The following PAM variants were observed in gnomAD, a reference collection of about 807,000 sequenced individuals.
PAM encodes the protein peptidylglycine alpha-amidating monooxygenase.
PAM carries 72 observed loss-of-function variants against 122.1 expected under a neutral mutation model. That is an observed-to-expected ratio of 0.59 (90% CI 0.49 to 0.72). PAM has a LOEUF of 0.72. PAM is among the 30% of genes least tolerant of loss of function. PAM has a pLI of 0.00. For synonymous variants in PAM, 389 were observed against 404.4 expected (o/e 0.96, Z 0.46); for missense variants, 1,106 against 1,183.7 (o/e 0.93, Z 0.96).
chr5:102,886,231 A>G (rs1489413613), intron 3 of PAM, among the ~76,000 whole-genome samples: 1 of 152,070 alleles, frequency 6.6e-6, no homozygotes, highest in Non-Finnish European at 1.5e-5. Context: ...TAATTAAATT[A>G]AGAATGATCT....
intron 1 of PAM, among the ~76,000 whole-genome samples, chr5:102,765,833 C>G (rs1322008420): frequency 6.6e-6 from 1 of 152,118 alleles, no homozygotes; most frequent in African/African-American, 2.4e-5. Flanking sequence ...CCAAGTTTCC[C>G]CTTTTTATAA....
At chr5:102,782,391 G>A (rs1759215730) in intron 1 of PAM, among the ~76,000 whole-genome samples, 1 of 152,156 alleles carries the variant, frequency 6.6e-6, no homozygotes, top group Non-Finnish European at 1.5e-5. Flanking sequence ...AGAGGAAGGA[G>A]AGAAGATTTT....
At chr5:102,961,040 G>A (rs970446405) in intron 13 of PAM, 118 bp from the exon 14 acceptor site, 8 of 486,016 alleles carry the variant, frequency 1.6e-5, no homozygotes, top group South Asian at 5.6e-5. Flanking sequence ...TTCTTAATAC[G>A]GTAATAAGCA....
At chr5:102,938,700 A>G (rs558069431) in intron 7 of PAM, among the ~76,000 whole-genome samples, 1 of 152,280 alleles carries the variant, frequency 6.6e-6, no homozygotes, top group South Asian at 2.1e-4. Flanking sequence ...ATTTGAATTA[A>G]TGGCAAATAG....
chr5:102,826,516 G>C (rs571765415), intron 1 of PAM, among the ~76,000 whole-genome samples: 2 of 152,188 alleles, frequency 1.3e-5, no homozygotes, highest in Non-Finnish European at 2.9e-5. Flanking sequence ...AATTTTGAGA[G>C]GAAAAAACAT....
At chr5:102,874,027 T>C (rs550236965) in intron 3 of PAM, among the ~76,000 whole-genome samples, 42 of 152,298 alleles carry the variant, frequency 2.8e-4, no homozygotes, top group Middle Eastern at 3.4e-3. Flanking sequence ...AGCAACAAAA[T>C]AAAATGCTGT....
intron 1 of PAM, among the ~76,000 whole-genome samples, chr5:102,764,951 A>G (rs1753448112): frequency 6.6e-6 from 1 of 152,126 alleles, no homozygotes; most frequent in South Asian, 2.1e-4. Context: ...CTTTCCACAT[A>G]ATTTATTCTT....
intron 21 of PAM, among the ~76,000 whole-genome samples, chr5:103,014,426 T>C (rs544649521): frequency 1.3e-5 from 2 of 152,320 alleles, no homozygotes; most frequent in African/African-American, 4.8e-5. Context: ...TAAACAAGAC[T>C]TGATATTACA....
chr5:102,995,109 C>G (rs1775287662), intron 16 of PAM, among the ~76,000 whole-genome samples: 1 of 152,086 alleles, frequency 6.6e-6, no homozygotes, highest in Non-Finnish European at 1.5e-5. Context: ...TTTTCTGGAG[C>G]CTCAGTTAAG....
intron 1 of PAM, among the ~76,000 whole-genome samples, chr5:102,769,734 A>G (rs371895367): frequency 6.6e-6 from 1 of 152,138 alleles, no homozygotes; most frequent in Admixed American, 6.5e-5. Flanking sequence ...TGCCAGTACC[A>G]TGCTGCTTTG....
Position 102,949,917 on chromosome 5 carries a change from G to C in PAM, c.740G>C (p.Gly247Ala). 6.4e-7 allele frequency: 1 copy of C among 1,568,826 alleles called. No homozygotes were observed. The change falls in exon 11 of 26, where the codon GGA (glycine) becomes GCA (alanine). Residue 247 changes from glycine (G) to alanine (A), a missense_variant. By Grantham distance (60) the Gly-to-Ala change is moderately conservative. Around this residue, in one of 3 missense-constraint regions of PAM, gnomAD observed 670 missense variants for 690.3 expected, o/e 0.97. Coordinates refer to ENST00000438793, the MANE Select transcript of PAM (RefSeq NM_001177306.2). The stretch of plus-strand genomic sequence containing the variant: ...TTTATTACAGGTAAGGTAGTAAGTG[G>C]ATACAGAGTAAGAAATGGACAGTGG... ...HTHHLGKVVS[G>A]YRVRNGQWTL...
chr5:102,866,250 T>C lies in PAM; in HGVS notation c.55T>C (p.Leu19=), dbSNP rs1315973754. ...LVLLVFPSSC[L]AFRSPLSVFK... ...TCTCCTTGTTTTTCCAAGCAGCTGT[T>C]TGGCTTTCCGAAGCCCACTTTCTGT... The change falls in exon 2 of 26, where the codon TTG becomes CTG. Residue 19 remains leucine (L), a synonymous_variant. Coordinates refer to ENST00000438793, the MANE Select transcript of PAM (RefSeq NM_001177306.2). 1 of 1,613,696 alleles carries C rather than the reference T, an allele frequency of 6.2e-7. No individual in the cohort carries two copies. Among genetic ancestry groups the C allele is most frequent in the Admixed American group, 1.7e-5 (1 of 60,004 alleles).
intron 1 of PAM, among the ~76,000 whole-genome samples, chr5:102,811,859 C>G (rs1768008075): frequency 6.6e-6 from 1 of 152,106 alleles, no homozygotes; most frequent in South Asian, 2.1e-4. Context: ...AATGTTTCAC[C>G]AACTCAAATG....
chr5:102,785,291 T>C (rs1490326026), intron 1 of PAM, among the ~76,000 whole-genome samples: 1 of 152,230 alleles, frequency 6.6e-6, no homozygotes, highest in Admixed American at 6.5e-5. Flanking sequence ...CAGCAATCTG[T>C]ATCTTAGCAA....
intron 14 of PAM, among the ~76,000 whole-genome samples, chr5:102,971,449 G>A (rs1243047126): frequency 6.6e-6 from 1 of 152,136 alleles, no homozygotes; most frequent in African/African-American, 2.4e-5. Context: ...TTGAATTGAG[G>A]AGTTGCCATA....
At chr5:102,983,710 A>ACC (rs1770738816) in intron 15 of PAM, among the ~76,000 whole-genome samples, 1 of 152,170 alleles carries the variant, frequency 6.6e-6, no homozygotes, top group Non-Finnish European at 1.5e-5. Flanking sequence ...GCTTCAACGT[A>ACC]AAGGGTCTTC....
chr5:102,809,351 C>T (rs62362483), intron 1 of PAM, among the ~76,000 whole-genome samples: 1 of 65,008 alleles, frequency 1.5e-5, no homozygotes, highest in African/African-American at 5.8e-5. Flanking sequence ...CCTGTCTCTA[C>T]CAAAAAAAAA....
At chr5:102,825,405 A>G (rs1026388587) in intron 1 of PAM, among the ~76,000 whole-genome samples, 3 of 152,198 alleles carry the variant, frequency 2.0e-5, no homozygotes, top group African/African-American at 7.2e-5. Flanking sequence ...ATAAACTCAG[A>G]AAAGAATCAA....
chr5:102,885,634 G>T (rs1488825735), intron 3 of PAM, among the ~76,000 whole-genome samples: 1 of 151,930 alleles, frequency 6.6e-6, no homozygotes, highest in African/African-American at 2.4e-5. Flanking sequence ...ATACAAAATG[G>T]AGAAAATTGT....
Sources: gnomAD v4.1 joint callset for allele counts (sites outside exome capture counted in the v4.1 genomes callset) on GRCh38, gnomAD v4.1.1 for gene constraint, gnomAD v4.1.1 regional missense constraint, MANE v1.5 for transcripts, NCBI Gene and HGNC (gene_info 2026-07-23, HGNC 2026-07-21) for gene names.